HDAC8: variants seen among roughly 807,000 people sequenced by gnomAD.
HDAC8 encodes the protein histone deacetylase 8, also known as histone deacetylase-like 1.
A neutral mutation model predicts 32.2 loss-of-function variants in HDAC8; 1 was observed. The ratio of observed to expected loss-of-function variants is 0.03; its 90% CI spans 0.01 to 0.15. The LOEUF is 0.15. Among genes scored for constraint, HDAC8 ranks in the 10% least tolerant of loss-of-function variants. HDAC8 has a pLI of 1.00. For missense variants in HDAC8, 117 were observed against 300.0 expected, an observed-to-expected ratio of 0.39 and a Z score of 4.51; for synonymous variants, 108 against 113.9, an observed-to-expected ratio of 0.95 and a Z score of 0.33.
At chrX:72,506,685 G>A (rs2049401674) in intron 4 of HDAC8, among the ~76,000 whole-genome samples, 1 of 110,799 alleles carries the variant, frequency 9.0e-6, no homozygotes, top group African/African-American at 3.3e-5. Flanking sequence ...ATAAACCATA[G>A]CGGTAACCAA....
At chrX:72,554,461 A>T (rs1556085423) in intron 4 of HDAC8, among the ~76,000 whole-genome samples, 1 of 86,407 alleles carries the variant, frequency 1.2e-5, no homozygotes, top group Admixed American at 1.5e-4. Context: ...CTGCCTGGAA[A>T]TAGACTCAGT....
chrX:72,564,781 G>A (rs1439232666), intron 4 of HDAC8, among the ~76,000 whole-genome samples: 3 of 111,754 alleles, frequency 2.7e-5, no homozygotes, highest in Non-Finnish European at 3.8e-5. Context: ...TCTAATTTTT[G>A]TACCAGTGTT....
At chrX:72,425,767 C>A (rs1163986934) in intron 9 of HDAC8, among the ~76,000 whole-genome samples, 1 of 111,657 alleles carries the variant, frequency 9.0e-6, no homozygotes, top group African/African-American at 3.3e-5. Flanking sequence ...CCCCCCATCC[C>A]CTTAGATGCC....
Position 72,526,068 on chromosome X carries a change from TA to T in HDAC8, c.438-30801del, listed in dbSNP as rs781996419. Among the ~76,000 whole-genome samples, 154 of 110,429 alleles carry T rather than the reference TA, an allele frequency of 1.4e-3. 1 individual carries two copies. Among genetic ancestry groups the T allele is most frequent in the Middle Eastern group, 4.7e-3 (1 of 213 alleles). On this transcript the variant is annotated intron_variant, in intron 4 of 10. Coordinates refer to ENST00000373573, the MANE Select transcript of HDAC8 (RefSeq NM_018486.3). ...GCAACATAGTGAGACCTTGCCTCTT[TA>T]AAAAACTCTTCACTAGCTCCCTATT...
At chrX:72,417,291 C>T (rs1358369741) in intron 9 of HDAC8, among the ~76,000 whole-genome samples, 1 of 111,499 alleles carries the variant, frequency 9.0e-6, no homozygotes, top group African/African-American at 3.3e-5. Flanking sequence ...GGAGATCAAA[C>T]TATCTCTGTT....
At chrX:72,454,169 T>C (rs782291512) in intron 9 of HDAC8, among the ~76,000 whole-genome samples, 2 of 112,101 alleles carry the variant, frequency 1.8e-5, no homozygotes, top group Non-Finnish European at 3.8e-5. Flanking sequence ...TAGAAGACCA[T>C]GTAGGGTCAT....
chrX:72,491,182 C>T (rs782734842), intron 5 of HDAC8, among the ~76,000 whole-genome samples, 176 bp from the exon 6 acceptor site: 4 of 111,773 alleles, frequency 3.6e-5, no homozygotes, highest in African/African-American at 1.3e-4. Context: ...CTCGTAATTA[C>T]AAGATGAGGT....
intron 10 of HDAC8, among the ~76,000 whole-genome samples, chrX:72,334,123 T>C (rs1280593514): frequency 1.8e-5 from 2 of 111,623 alleles, no homozygotes; most frequent in Non-Finnish European, 3.8e-5. Flanking sequence ...ATAATGCCCA[T>C]TGTTTTCCCC....
intron 10 of HDAC8, among the ~76,000 whole-genome samples, chrX:72,340,624 A>G (rs2043863509): frequency 8.9e-6 from 1 of 111,751 alleles, no homozygotes; most frequent in East Asian, 2.8e-4. Context: ...TAGGCCTTGG[A>G]CGCCACCAGA....
rs1448820899 is a variant in HDAC8, at chrX:72,540,514, T to A, written c.437+27375A>T. On this transcript the variant is annotated intron_variant, in intron 4 of 10. Transcript: ENST00000373573. Reference sequence around the variant, plus strand: ...ACTTGATTTAACCTTGCACTCCCTCTAGTGGTTTTTTTTTTTGTTAAAATG... The same window carrying A: ...ACTTGATTTAACCTTGCACTCCCTCAAGTGGTTTTTTTTTTTGTTAAAATG... 5.5e-5 allele frequency among the ~76,000 whole-genome samples: 6 copies of A among 109,977 alleles called. No homozygotes were observed. The Admixed American group carries it at 5.8e-4, about 11-fold the overall frequency.
intron 10 of HDAC8, among the ~76,000 whole-genome samples, chrX:72,339,343 G>A (rs781784551): frequency 4.4e-5 from 5 of 112,555 alleles, no homozygotes; most frequent in African/African-American, 9.7e-5. Flanking sequence ...AGTTCTTGCC[G>A]TGAAGGAGTT....
At chrX:72,474,313 TA>T (rs2048268643) in intron 7 of HDAC8, 1 of 746,488 alleles carries the variant, frequency 1.3e-6, no homozygotes, top group Admixed American at 8.4e-5. Flanking sequence ...ATCTAACATT[TA>T]AAAATTTCCA....
chrX:72,492,674 A>G (rs1556010624), intron 5 of HDAC8, among the ~76,000 whole-genome samples: 1 of 111,719 alleles, frequency 9.0e-6, no homozygotes, highest in African/African-American at 3.3e-5. Flanking sequence ...GGAAACTCTG[A>G]AGGGTGTAGA....
rs1245074058 is a variant in HDAC8, at chrX:72,410,128, T to A, written c.1005+51876A>T. On this transcript the variant is annotated intron_variant, in intron 9 of 10. Coordinates refer to ENST00000373573, the MANE Select transcript of HDAC8 (RefSeq NM_018486.3). ...ATTGAAGGTGTGAGCTAGGTTACAATGGGAACAATGGGAGACAAGGGCAAA... is the reference window on the plus strand; with the variant it reads ...ATTGAAGGTGTGAGCTAGGTTACAAAGGGAACAATGGGAGACAAGGGCAAA... 2.7e-5 allele frequency among the ~76,000 whole-genome samples: 3 copies of A among 110,186 alleles called. No homozygotes were observed. The Admixed American group carries it at 2.9e-4, about 11-fold the overall frequency.
intron 4 of HDAC8, among the ~76,000 whole-genome samples, chrX:72,520,078 T>C (rs1397910186): frequency 8.9e-6 from 1 of 112,324 alleles, no homozygotes; most frequent in Admixed American, 9.4e-5. Flanking sequence ...AGATTGTCTT[T>C]TGAAGGGCAA....
intron 4 of HDAC8, among the ~76,000 whole-genome samples, chrX:72,561,205 T>G (rs2051550749): frequency 9.0e-6 from 1 of 111,564 alleles, no homozygotes; most frequent in African/African-American, 3.3e-5. Flanking sequence ...ATCCTAAAAT[T>G]TATATGGAAC....
At chrX:72,355,657 T>C (rs1247424565) in intron 9 of HDAC8, among the ~76,000 whole-genome samples, 1 of 111,986 alleles carries the variant, frequency 8.9e-6, no homozygotes, top group Admixed American at 9.5e-5. Context: ...TTGAGTTCAG[T>C]TCAGCCCACC....
chrX:72,560,368 C>T (rs1284575812), intron 4 of HDAC8, among the ~76,000 whole-genome samples: 5 of 108,017 alleles, frequency 4.6e-5, no homozygotes, highest in Non-Finnish European at 9.6e-5. Flanking sequence ...AGGCAGCATG[C>T]TCATTAAGAG....
At chrX:72,469,845 T>G (rs1446688145) in intron 7 of HDAC8, among the ~76,000 whole-genome samples, 1 of 110,822 alleles carries the variant, frequency 9.0e-6, no homozygotes, top group Non-Finnish European at 1.9e-5. Context: ...GAGAGGACAT[T>G]CTTGATATAA....
Sources: gnomAD v4.1 joint callset for allele counts (sites outside exome capture counted in the v4.1 genomes callset) on GRCh38, gnomAD v4.1.1 for gene constraint, MANE v1.5 for transcripts, NCBI Gene and HGNC (gene_info 2026-07-23, HGNC 2026-07-21) for gene names.